Variants in CCDC83 observed in about 807,000 individuals in gnomAD.
The protein encoded by CCDC83 is coiled-coil domain-containing protein 83.
CCDC83 carries 54 observed loss-of-function variants against 50.1 expected under a neutral mutation model. The observed-to-expected ratio is 1.08, with a 90% CI of 0.87 to 1.35. CCDC83 has a LOEUF of 1.35. Among genes scored for constraint, CCDC83 ranks in the 40% most tolerant of loss-of-function variants. CCDC83 has a pLI of 0.00. For missense variants in CCDC83, 518 were observed against 473.9 expected (o/e 1.09, Z -0.86); for synonymous variants, 161 against 153.3 (o/e 1.05, Z -0.37).
chr11:85,915,074 A>C (rs1426638056), intron 8 of CCDC83, among the ~76,000 whole-genome samples: 1 of 152,206 alleles, frequency 6.6e-6, no homozygotes, highest in Non-Finnish European at 1.5e-5. Flanking sequence ...TGGGAACTAC[A>C]GTTCAAGATG....
intron 5 of CCDC83, 62 bp downstream of exon 5, chr11:85,886,429 A>G (rs1371465966): frequency 7.4e-7 from 1 of 1,357,614 alleles, no homozygotes; most frequent in African/African-American, 1.5e-5. Flanking sequence ...GCATACATTG[A>G]TGGAAGAAAA....
At chr11:85,903,953 C>A (rs888100268) in intron 7 of CCDC83, among the ~76,000 whole-genome samples, 2 of 150,372 alleles carry the variant, frequency 1.3e-5, no homozygotes, top group Non-Finnish European at 3.0e-5. Flanking sequence ...GGCAACACAG[C>A]GAGACTCTGT....
chr11:85,887,407 T>C (rs1393048535), intron 5 of CCDC83, among the ~76,000 whole-genome samples: 2 of 152,140 alleles, frequency 1.3e-5, no homozygotes, highest in African/African-American at 4.8e-5. Flanking sequence ...CTGTGGGTGG[T>C]TCCCATGTCC....
At chr11:85,856,095 A>G (rs983685591) in intron 1 of CCDC83, among the ~76,000 whole-genome samples, 2 of 147,670 alleles carry the variant, frequency 1.4e-5, no homozygotes, top group Non-Finnish European at 3.0e-5. Context: ...TTGTTGCCTC[A>G]CTCCCTTCCT....
intron 1 of CCDC83, among the ~76,000 whole-genome samples, chr11:85,857,618 A>G (rs561586577): frequency 7.2e-4 from 110 of 152,334 alleles, no homozygotes; most frequent in Non-Finnish European, 1.4e-3. Flanking sequence ...CCTGCCATCA[A>G]TGTCAACAAC....
At chr11:85,898,917 C>T in intron 6 of CCDC83, 30 bp from the exon 7 acceptor site, 1 of 1,524,120 alleles carries the variant, frequency 6.6e-7, no homozygotes. Context: ...CATGTGGCAA[C>T]TCTTCCTTAA....
chr11:85,885,221 A>C (rs1436655344), intron 4 of CCDC83, among the ~76,000 whole-genome samples: 1 of 152,126 alleles, frequency 6.6e-6, no homozygotes, highest in African/African-American at 2.4e-5. Flanking sequence ...CTCAAAAAAA[A>C]AAAATTAGTA....
chr11:85,917,838 T>A (rs2093489633), intron 10 of CCDC83: 1 of 152,204 alleles, frequency 6.6e-6, no homozygotes, highest in South Asian at 2.1e-4. Flanking sequence ...GTCATGATGA[T>A]CTCAGGCTAG....
At chr11:85,892,570 A>C (rs2093355437) in intron 5 of CCDC83, among the ~76,000 whole-genome samples, 1 of 152,224 alleles carries the variant, frequency 6.6e-6, no homozygotes, top group African/African-American at 2.4e-5. Context: ...AGTGTATTTG[A>C]TAATCTATTT....
At chr11:85,893,315 T>C (rs938911643) in intron 5 of CCDC83, among the ~76,000 whole-genome samples, 10 of 152,228 alleles carry the variant, frequency 6.6e-5, no homozygotes, top group Non-Finnish European at 1.2e-4. Flanking sequence ...GTTATGCTAG[T>C]ACAAAGTATA....
intron 9 of CCDC83, among the ~76,000 whole-genome samples, chr11:85,915,785 T>G (rs1420625947): frequency 6.6e-6 from 1 of 152,186 alleles, no homozygotes; most frequent in Non-Finnish European, 1.5e-5. Context: ...GGGCCCTATT[T>G]AGCCAACCAA....
At chr11:85,877,616 A>T (rs575341796) in intron 3 of CCDC83, among the ~76,000 whole-genome samples, 36 of 152,314 alleles carry the variant, frequency 2.4e-4, no homozygotes, top group African/African-American at 8.4e-4. Flanking sequence ...TGGAAATAAA[A>T]CTAAAATTTC....
In CCDC83 at chr11:85,919,927, T is replaced by C. The variant is rs900966722; in HGVS notation, c.*417T>C. 1.1e-5 allele frequency: 2 copies of C among 180,314 alleles called. No homozygotes were observed. Among genetic ancestry groups the C allele is most frequent in the East Asian group, 1.8e-4 (1 of 5,494 alleles). 11.2% of individuals were successfully genotyped at this position (180,314 alleles called of 1,614,324 possible). A position where few individuals can be genotyped will look rare whatever the true frequency, so the allele number is the denominator to read the frequency against. ...TGCTCAATGTGATAGACAGCCAGTC[T>C]ATAATGCAAGCCAATTCTCCGTAGT... is the stretch of plus-strand genomic sequence containing the variant. On this transcript the variant is annotated 3_prime_UTR_variant, in exon 11 of 11. Transcript: ENST00000342404.
chr11:85,888,649 T>A (rs1196308695), intron 5 of CCDC83, among the ~76,000 whole-genome samples: 1 of 152,224 alleles, frequency 6.6e-6, no homozygotes, highest in African/African-American at 2.4e-5. Flanking sequence ...ATTTTACGTT[T>A]ATGAGATTAT....
At chr11:85,890,728 G>C (rs1359407165) in intron 5 of CCDC83, among the ~76,000 whole-genome samples, 2 of 152,172 alleles carry the variant, frequency 1.3e-5, no homozygotes, top group African/African-American at 4.8e-5. Flanking sequence ...ACTGAGAGAG[G>C]AATCATGGAA....
intron 5 of CCDC83, among the ~76,000 whole-genome samples, chr11:85,888,576 TG>T: frequency 6.6e-6 from 1 of 152,230 alleles, no homozygotes; most frequent in East Asian, 1.9e-4. Context: ...TTAGTTTTTT[TG>T]TTTGTGGGTT....
chr11:85,894,589 C>T (rs1037741756), intron 5 of CCDC83, among the ~76,000 whole-genome samples: 1 of 152,176 alleles, frequency 6.6e-6, no homozygotes, highest in Non-Finnish European at 1.5e-5. Flanking sequence ...ATACACATCA[C>T]CACCTGAAAT....
intron 4 of CCDC83, 80 bp downstream of exon 4, chr11:85,882,755 A>G (rs2093307677): frequency 7.7e-7 from 1 of 1,293,290 alleles, no homozygotes; most frequent in Non-Finnish European, 1.1e-6. Flanking sequence ...TTCTTCCAAT[A>G]TGTTCAAAAT....
intron 7 of CCDC83, among the ~76,000 whole-genome samples, chr11:85,906,844 CG>C (rs2093428024): frequency 2.1e-5 from 3 of 145,750 alleles, no homozygotes; most frequent in Non-Finnish European, 3.1e-5. Flanking sequence ...ATGTTCAGGC[CG>C]TTATACTCCA....
Sources: allele counts gnomAD v4.1 joint callset (sites outside exome capture counted in the v4.1 genomes callset), GRCh38; gene constraint gnomAD v4.1.1; transcripts MANE v1.5; gene names NCBI Gene and HGNC (gene_info 2026-07-23, HGNC 2026-07-21).